KCNJ12: variants seen among roughly 807,000 people sequenced by gnomAD.
KCNJ12 encodes the protein potassium inwardly rectifying channel subfamily J member 12, also known as ATP-sensitive inward rectifier potassium channel 12.
KCNJ12 carries 2 observed loss-of-function variants against 22.3 expected under a neutral mutation model. The ratio of observed to expected loss-of-function variants is 0.09; its 90% CI spans 0.04 to 0.28. KCNJ12 has a LOEUF of 0.28. Ranked by LOEUF, KCNJ12 falls within the 10% of genes least tolerant of loss-of-function variation. The pLI, the probability that KCNJ12 is intolerant of heterozygous loss-of-function variation, is 1.00. For missense variants in KCNJ12, 155 were observed against 633.3 expected, an observed-to-expected ratio of 0.24 and a Z score of 8.11; for synonymous variants, 117 against 261.4, an observed-to-expected ratio of 0.45 and a Z score of 5.33.
intron 2 of KCNJ12, among the ~76,000 whole-genome samples, chr17:21,412,666 A>G (rs1381234773): frequency 1.1e-4 from 16 of 152,276 alleles, no homozygotes; most frequent in African/African-American, 3.6e-4. Context: ...TTCCAGGCCC[A>G]GGCAGAAGCA....
At chr17:21,407,225 C>T (rs1247764294) in intron 1 of KCNJ12, among the ~76,000 whole-genome samples, 6 of 152,390 alleles carry the variant, frequency 3.9e-5, no homozygotes, top group African/African-American at 1.4e-4. Context: ...TCCATTCACC[C>T]ATCTATCCAT....
At chr17:21,391,061 G>A (rs1035339396) in intron 1 of KCNJ12, among the ~76,000 whole-genome samples, 16 of 152,156 alleles carry the variant, frequency 1.1e-4, no homozygotes, top group Non-Finnish European at 1.6e-4. Context: ...GGCCCTGCAC[G>A]GGTAGCCTTC....
Position 21,416,510 on chromosome 17 carries a change from G to A in KCNJ12, c.1168G>A (p.Asp390Asn), listed in dbSNP as rs782490035. 1 of 1,613,406 alleles carries A rather than the reference G, an allele frequency of 6.2e-7. No individual in the cohort carries two copies. The highest frequency in any genetic ancestry group is 1.1e-5 in the South Asian group (1 of 91,084). The change falls in exon 3 of 3, where the codon GAT (aspartate) becomes AAT (asparagine). Residue 390 changes from aspartate to asparagine, a missense_variant. Transcript: ENST00000583088. ...GGCCTTCCTGAGCCGTGACGAGGAG[G>A]ATGAGGCGGACGGAGACCAGGACGG... ...ELAFLSRDEE[D>N]EADGDQDGRS...
intron 1 of KCNJ12, among the ~76,000 whole-genome samples, chr17:21,384,562 C>T (rs1325945934): frequency 6.6e-6 from 1 of 152,072 alleles, no homozygotes; most frequent in Non-Finnish European, 1.5e-5. Flanking sequence ...GAACCTGGCT[C>T]CCACTCAGGG....
At position 21,416,834 on chromosome 17, in the gene KCNJ12, C is replaced by T. The variant is rs1471900139; in HGVS notation, c.*190C>T. The T allele has an allele frequency of 1.3e-4, 137 of 1,031,970 alleles. No individual in the cohort carries two copies. Among genetic ancestry groups the T allele is most frequent in the South Asian group, 9.8e-4 (55 of 56,130 alleles). The allele number at this position is 1,031,970 out of a possible 1,614,324, so 63.9% of individuals were successfully genotyped here. On this transcript the variant is annotated 3_prime_UTR_variant, in exon 3 of 3. Transcript: ENST00000583088. ...GGAGAGGGGGCAGCCAGAGCGGCAG[C>T]CCCCGGCCTCAGAGGCTATCACAGG... is the stretch of plus-strand genomic sequence containing the variant.
chr17:21,414,884 A>G (rs1471501086), intron 2 of KCNJ12, among the ~76,000 whole-genome samples: 1 of 152,310 alleles, frequency 6.6e-6, no homozygotes, highest in Non-Finnish European at 1.5e-5. Flanking sequence ...ATAGGCACCG[A>G]CTCAGCTTCC....
chr17:21,389,073 C>A (rs1247481814), intron 1 of KCNJ12, among the ~76,000 whole-genome samples: 1 of 152,196 alleles, frequency 6.6e-6, no homozygotes, highest in Non-Finnish European at 1.5e-5. Flanking sequence ...AGAAATGGAG[C>A]CAAATTTACC....
chr17:21,399,141 C>A (rs1555560208), intron 1 of KCNJ12, among the ~76,000 whole-genome samples: 2 of 152,190 alleles, frequency 1.3e-5, no homozygotes, highest in African/African-American at 4.8e-5. Context: ...TCTTCAGACC[C>A]CATGGAGCGA....
chr17:21,395,087 CG>C (rs1271735335), intron 1 of KCNJ12, among the ~76,000 whole-genome samples: 1 of 151,944 alleles, frequency 6.6e-6, no homozygotes, highest in Non-Finnish European at 1.5e-5. Flanking sequence ...TACTTGAGGC[CG>C]GAAGTTCAAG....
At chr17:21,392,278 G>T (rs1555559404) in intron 1 of KCNJ12, among the ~76,000 whole-genome samples, 1 of 152,234 alleles carries the variant, frequency 6.6e-6, no homozygotes, top group African/African-American at 2.4e-5. Context: ...AGAGGTCCAG[G>T]CACATAGTAG....
intron 1 of KCNJ12, among the ~76,000 whole-genome samples, chr17:21,383,581 T>C (rs907913860): frequency 2.6e-5 from 4 of 152,076 alleles, no homozygotes; most frequent in African/African-American, 9.7e-5. Flanking sequence ...AAATAGGGCC[T>C]GGGAGGGGCA....
At chr17:21,399,488 G>C (rs1328260676) in intron 1 of KCNJ12, among the ~76,000 whole-genome samples, 1 of 152,178 alleles carries the variant, frequency 6.6e-6, no homozygotes, top group Non-Finnish European at 1.5e-5. Flanking sequence ...CCAGCTCAGA[G>C]AAAGACCATA....
intron 1 of KCNJ12, among the ~76,000 whole-genome samples, chr17:21,382,449 G>A (rs575281905): frequency 1.3e-5 from 2 of 152,218 alleles, no homozygotes; most frequent in East Asian, 1.9e-4. Context: ...GACTCCCCAC[G>A]GTCATTGAGT....
At chr17:21,381,819 A>G (rs1363598530) in intron 1 of KCNJ12, among the ~76,000 whole-genome samples, 2 of 151,992 alleles carry the variant, frequency 1.3e-5, no homozygotes, top group Non-Finnish European at 2.9e-5. Context: ...CTCTTTTTGG[A>G]CCTATTCTAC....
chr17:21,389,471 C>T (rs1001896827), intron 1 of KCNJ12, among the ~76,000 whole-genome samples: 1 of 152,210 alleles, frequency 6.6e-6, no homozygotes, highest in East Asian at 1.9e-4. Context: ...AGGCTTCCCA[C>T]GAATCTGTGG....
intron 2 of KCNJ12, among the ~76,000 whole-genome samples, chr17:21,408,967 CCCAT>C (rs1445697101): frequency 1.3e-5 from 2 of 152,308 alleles, no homozygotes; most frequent in African/African-American, 4.8e-5. Context: ...GATTTATCCA[CCCAT>C]CTGCCTGACC....
At chr17:21,400,032 C>T (rs1397048478) in intron 1 of KCNJ12, among the ~76,000 whole-genome samples, 8 of 152,168 alleles carry the variant, frequency 5.3e-5, no homozygotes, top group South Asian at 2.1e-4. Flanking sequence ...GGGCCCCGCT[C>T]GCTACCGTCT....
At chr17:21,381,846 G>T (rs1389310773) in intron 1 of KCNJ12, among the ~76,000 whole-genome samples, 3 of 152,234 alleles carry the variant, frequency 2.0e-5, no homozygotes, top group African/African-American at 7.2e-5. Flanking sequence ...TGTGTCCCCA[G>T]TGCCTAAGCG....
chr17:21,393,629 G>A (rs1905262375), intron 1 of KCNJ12, among the ~76,000 whole-genome samples: 1 of 152,206 alleles, frequency 6.6e-6, no homozygotes, highest in South Asian at 2.1e-4. Flanking sequence ...CCTGAGTCCT[G>A]GGGCTCCACC....
Sources: allele counts gnomAD v4.1 joint callset (sites outside exome capture counted in the v4.1 genomes callset), GRCh38; gene constraint gnomAD v4.1.1; transcripts MANE v1.5; gene names NCBI Gene and HGNC (gene_info 2026-07-23, HGNC 2026-07-21).